The following POC1B variants were observed in gnomAD, a reference collection of about 807,000 sequenced individuals.
POC1B encodes the protein POC1 centriolar protein homolog B.
POC1B carries 44 observed loss-of-function variants against 60.6 expected under a neutral mutation model. That is an observed-to-expected ratio of 0.73 (90% CI 0.57 to 0.93). POC1B has a LOEUF of 0.93. Ranked by LOEUF, POC1B falls within the 40% of genes least tolerant of loss-of-function variation. The probability of loss-of-function intolerance (pLI) is 0.00; values close to 1 mark genes in which losing one functional copy is unlikely to be tolerated. For synonymous variants in POC1B, 180 were observed against 198.9 expected (o/e 0.90, Z 0.80); for missense variants, 555 against 572.3 (o/e 0.97, Z 0.31).
chr12:89,452,166 C>T (rs143074828), intron 10 of POC1B, among the ~76,000 whole-genome samples: 3 of 152,190 alleles, frequency 2.0e-5, no homozygotes, highest in African/African-American at 7.2e-5. Flanking sequence ...CAGCATGCCT[C>T]GGTCTCAGCT....
At chr12:89,500,682 C>G in intron 2 of POC1B, 1 of 1,521,652 alleles carries the variant, frequency 6.6e-7, no homozygotes, top group South Asian at 1.2e-5. Context: ...CCTTCAAGTA[C>G]AGAGGTTTCA....
chr12:89,466,542 C>T, intron 9 of POC1B: 1 of 359,704 alleles, frequency 2.8e-6, no homozygotes. Flanking sequence ...GATTTAATTT[C>T]TCATTTCCTA....
intron 2 of POC1B, among the ~76,000 whole-genome samples, chr12:89,503,249 C>G (rs189606219): frequency 8.6e-5 from 13 of 150,872 alleles, no homozygotes; most frequent in Non-Finnish European, 1.5e-4. Context: ...CGAGTGCCTG[C>G]GATTGCAGGC....
At chr12:89,525,013 T>A in intron 2 of POC1B, 107 bp downstream of exon 2, 2 of 1,506,838 alleles carry the variant, frequency 1.3e-6, no homozygotes, top group Admixed American at 1.9e-5. Flanking sequence ...TCAACCCTCA[T>A]ACAGGCCCTT....
At position 89,492,278 on chromosome 12, in the gene POC1B, C is replaced by G. The variant is rs190324800; in HGVS notation, c.273-163G>C. 4.8e-4 allele frequency among the ~76,000 whole-genome samples: 73 copies of G among 152,196 alleles called. 1 individual carries two copies. In the South Asian group the frequency reaches 0.015, roughly 31 times the overall value. On this transcript the variant is annotated intron_variant, in intron 3 of 11. Transcript: ENST00000313546. The stretch of plus-strand genomic sequence containing the variant: ...AAGGGCTATGTTGTACTGTACTCTT[C>G]GTCAACACTGAAATTTCCATGAAAT...
the POC1B span, among the ~76,000 whole-genome samples, chr12:89,409,600 C>T: frequency 6.6e-6 from 1 of 152,082 alleles, no homozygotes; most frequent in African/African-American, 2.4e-5. Context: ...CAAATAGACA[C>T]AATAAAAAAT....
At chr12:89,438,285 G>A (rs1214839143) in intron 10 of POC1B, among the ~76,000 whole-genome samples, 1 of 151,952 alleles carries the variant, frequency 6.6e-6, no homozygotes, top group Non-Finnish European at 1.5e-5. Context: ...GTGAAACCCC[G>A]TCTCTACTAA....
intron 3 of POC1B, 91 bp downstream of exon 3, chr12:89,497,080 G>A: frequency 2.3e-6 from 3 of 1,293,772 alleles, no homozygotes; most frequent in Non-Finnish European, 3.2e-6. Context: ...GAATAACAGT[G>A]CAGGCAGCAG....
intron 10 of POC1B, among the ~76,000 whole-genome samples, chr12:89,443,592 A>G (rs1384865625): frequency 1.3e-4 from 19 of 151,394 alleles, no homozygotes; most frequent in East Asian, 5.8e-4. Flanking sequence ...TCTCTGGGAC[A>G]CATTCAAAGC....
At chr12:89,522,704 A>T in intron 2 of POC1B, 1 of 1,398,482 alleles carries the variant, frequency 7.2e-7, no homozygotes, top group South Asian at 1.6e-5. Flanking sequence ...TCCACAGATG[A>T]CTGCTAGGTG....
chr12:89,402,097 C>T, the POC1B span, among the ~76,000 whole-genome samples: 1 of 152,194 alleles, frequency 6.6e-6, no homozygotes, highest in African/African-American at 2.4e-5. Flanking sequence ...GCCTGTTCCA[C>T]AGCAGGTGTC....
intron 2 of POC1B, among the ~76,000 whole-genome samples, chr12:89,514,394 A>G (rs1191656167): frequency 1.6e-5 from 1 of 62,828 alleles, no homozygotes; most frequent in Non-Finnish European, 3.3e-5. Context: ...ACTCAGTTTC[A>G]TGTATTTCTT....
chr12:89,455,907 T>G (rs952951636), intron 10 of POC1B, among the ~76,000 whole-genome samples: 1 of 152,188 alleles, frequency 6.6e-6, no homozygotes, highest in African/African-American at 2.4e-5. Flanking sequence ...ACAATAAAAC[T>G]AATACATCAG....
rs765563983 is a variant in POC1B, at chr12:89,524,140, G to A, written c.100+980C>T. ...GTTATAGAAAGCAATGATAACAGAG[G>A]TGGTAGGAAGTGTCCTATAGTTGAA... On this transcript the variant is annotated intron_variant, in intron 2 of 11. Transcript: ENST00000313546. 7 of 1,614,022 alleles carry A rather than the reference G, an allele frequency of 4.3e-6. No individual in the cohort carries two copies. In the Admixed American group the frequency reaches 5.0e-5, roughly 12 times the overall value.
At chr12:89,406,637 C>T in the POC1B span, among the ~76,000 whole-genome samples, 2 of 151,826 alleles carry the variant, frequency 1.3e-5, no homozygotes, top group Middle Eastern at 3.2e-3. Flanking sequence ...CTCCTATTCC[C>T]GGGTCTGCAA....
At chr12:89,472,978 G>C (rs951634689) in intron 4 of POC1B, among the ~76,000 whole-genome samples, 3 of 151,914 alleles carry the variant, frequency 2.0e-5, no homozygotes, top group Non-Finnish European at 4.4e-5. Context: ...CCTTCCCAAG[G>C]TTCTTTTTTT....
At chr12:89,502,491 C>T (rs1186295437) in intron 2 of POC1B, 2 of 1,103,792 alleles carry the variant, frequency 1.8e-6, no homozygotes, top group Non-Finnish European at 2.7e-6. Flanking sequence ...ACAAAAAAAT[C>T]TAATAAGAAA....
intron 7 of POC1B, among the ~76,000 whole-genome samples, chr12:89,469,009 A>T (rs1417465802): frequency 6.6e-6 from 1 of 152,250 alleles, no homozygotes; most frequent in Non-Finnish European, 1.5e-5. Flanking sequence ...TTACACTTGT[A>T]ATCCCAGCAC....
In POC1B at chr12:89,438,214, T is replaced by C. The variant is rs573281101; in HGVS notation, c.1114-12835A>G. On this transcript the variant is annotated intron_variant, in intron 10 of 11. Coordinates refer to ENST00000313546, the MANE Select transcript of POC1B (RefSeq NM_172240.3). Reference sequence around the variant, plus strand: ...GGCTCACGCCTGTAATCCCAGCACTTTGGGAGGCCGAGGCGGGCGGATCAC... The same window carrying C: ...GGCTCACGCCTGTAATCCCAGCACTCTGGGAGGCCGAGGCGGGCGGATCAC... Among the ~76,000 whole-genome samples, 7 of 152,152 alleles carry C rather than the reference T, an allele frequency of 4.6e-5. No homozygotes were observed. In the South Asian group the frequency reaches 1.0e-3, roughly 23 times the overall value.
Sources: allele counts gnomAD v4.1 joint callset (sites outside exome capture counted in the v4.1 genomes callset), GRCh38; gene constraint gnomAD v4.1.1; transcripts MANE v1.5; gene names NCBI Gene and HGNC (gene_info 2026-07-23, HGNC 2026-07-21).